Variants in HCK observed in about 807,000 individuals in gnomAD.
HCK encodes the protein tyrosine-protein kinase HCK.
Under a neutral mutation model 70.4 loss-of-function variants are expected in HCK, and 40 were observed. That is an observed-to-expected ratio of 0.57 (90% confidence interval 0.44 to 0.74). The LOEUF (loss-of-function observed/expected upper bound fraction) is 0.74, where lower values mean the gene tolerates loss of function less well. HCK is among the 30% of genes least tolerant of loss of function. The pLI, the probability that HCK is intolerant of heterozygous loss-of-function variation, is 0.00. For synonymous variants in HCK, 245 were observed against 263.2 expected (o/e 0.93, Z 0.67); for missense variants, 568 against 697.2 (o/e 0.81, Z 2.09).
At chr20:32,089,332 G>T (rs1398641941) in intron 10 of HCK, among the ~76,000 whole-genome samples, 1 of 152,224 alleles carries the variant, frequency 6.6e-6, no homozygotes, top group Non-Finnish European at 1.5e-5. Flanking sequence ...TTACAGAATA[G>T]GAAATTGAAG....
intron 1 of HCK, among the ~76,000 whole-genome samples, chr20:32,070,135 G>A (rs2045516610): frequency 6.6e-6 from 1 of 152,102 alleles, no homozygotes; most frequent in Admixed American, 6.5e-5. Flanking sequence ...CCCCAAACCT[G>A]TCCAATGCTT....
intron 12 of HCK, among the ~76,000 whole-genome samples, chr20:32,100,520 A>T (rs879580696): frequency 2.0e-5 from 3 of 152,206 alleles, no homozygotes; most frequent in Non-Finnish European, 4.4e-5. Context: ...CAGGGTGGGT[A>T]ATGGTCTAGG....
chr20:32,087,650 T>C (rs1369974011), intron 9 of HCK, among the ~76,000 whole-genome samples: 2 of 151,876 alleles, frequency 1.3e-5, no homozygotes, highest in African/African-American at 4.8e-5. Flanking sequence ...AAAAAATTTT[T>C]TTTTTTTTTG....
At chr20:32,063,081 T>C (rs927593828) in intron 1 of HCK, among the ~76,000 whole-genome samples, 1 of 152,192 alleles carries the variant, frequency 6.6e-6, no homozygotes, top group Non-Finnish European at 1.5e-5. Flanking sequence ...GAGTGCCAGT[T>C]TGACCTACCA....
chr20:32,085,486 C>A (rs1004208397), intron 8 of HCK, among the ~76,000 whole-genome samples: 1 of 151,814 alleles, frequency 6.6e-6, no homozygotes, highest in Non-Finnish European at 1.5e-5. Flanking sequence ...TGCACTCCAG[C>A]CTGGGAGACA....
chr20:32,069,157 G>A (rs971867598), intron 1 of HCK, among the ~76,000 whole-genome samples: 1 of 152,160 alleles, frequency 6.6e-6, no homozygotes, highest in Non-Finnish European at 1.5e-5. Flanking sequence ...TGCATGCTGG[G>A]CACTTTTACA....
rs374360915 is a variant in HCK at position 32,099,121 on chromosome 20, G to A, written c.1364G>A (p.Arg455Gln). 11 of 1,613,898 alleles carry A rather than the reference G, an allele frequency of 6.8e-6. No individual in the cohort carries two copies. Among genetic ancestry groups the A allele is most frequent in the Non-Finnish European group, 7.6e-6 (9 of 1,179,952 alleles). ...CTGATGGAGATCGTCACCTACGGCCGGATCCCTTACCCAGGTAGGGAAGGG... is the reference window on the plus strand; with the variant it reads ...CTGATGGAGATCGTCACCTACGGCCAGATCCCTTACCCAGGTAGGGAAGGG... The change falls in exon 12 of 13, where the codon CGG becomes CAG. Residue 455 changes from arginine (R) to glutamine (Q), a missense_variant. Transcript: ENST00000375852.
intron 1 of HCK, among the ~76,000 whole-genome samples, chr20:32,059,193 A>G (rs1320556956): frequency 6.6e-6 from 1 of 152,206 alleles, no homozygotes; most frequent in African/African-American, 2.4e-5. Context: ...CTGGCAGAGG[A>G]TATCTGGGTG....
chr20:32,084,223 G>A (rs1435109234), intron 7 of HCK, among the ~76,000 whole-genome samples, 168 bp from the exon 8 acceptor site: 2 of 152,192 alleles, frequency 1.3e-5, no homozygotes, highest in African/African-American at 2.4e-5. Context: ...TGGCCAAGAT[G>A]TAGAGGTGGC....
chr20:32,066,282 G>A (rs2045455566), intron 1 of HCK, among the ~76,000 whole-genome samples: 1 of 124,446 alleles, frequency 8.0e-6, no homozygotes, highest in South Asian at 2.8e-4. Flanking sequence ...TGAAGAAATT[G>A]TCCATTGTGC....
chr20:32,072,557 T>G (rs73906727), intron 2 of HCK: 1 of 108,992 alleles, frequency 9.2e-6, no homozygotes, highest in African/African-American at 4.7e-5. Flanking sequence ...GGAGACCCTG[T>G]CTCTTTAAAA....
intron 11 of HCK, among the ~76,000 whole-genome samples, chr20:32,097,947 T>C (rs1201537827): frequency 2.0e-5 from 3 of 152,270 alleles, no homozygotes; most frequent in South Asian, 2.1e-4. Context: ...GAGGCCAAGA[T>C]GGGAGGATCA....
intron 1 of HCK, chr20:32,069,554 C>T (rs915316454): frequency 8.1e-6 from 3 of 368,660 alleles, no homozygotes; most frequent in Non-Finnish European, 1.6e-5. Context: ...ACATTTATCT[C>T]AAAGAGAGAT....
intron 1 of HCK, among the ~76,000 whole-genome samples, chr20:32,061,207 C>A (rs2122481024): frequency 6.6e-6 from 1 of 152,314 alleles, no homozygotes; most frequent in Non-Finnish European, 1.5e-5. Context: ...TGGTCTTGAA[C>A]TCCTGACCTT....
intron 1 of HCK, among the ~76,000 whole-genome samples, chr20:32,052,965 G>A (rs2045204056): frequency 6.6e-6 from 1 of 152,106 alleles, no homozygotes; most frequent in Non-Finnish European, 1.5e-5. Flanking sequence ...GCCACACCCA[G>A]GCCGGCTGCA....
At chr20:32,054,524 A>G (rs1019710091) in intron 1 of HCK, among the ~76,000 whole-genome samples, 2 of 122,946 alleles carry the variant, frequency 1.6e-5, no homozygotes, top group South Asian at 2.6e-4. Context: ...AAAAAAAAAA[A>G]GCCCGGACGC....
chr20:32,055,817 T>C (rs986730630), intron 1 of HCK, among the ~76,000 whole-genome samples: 1 of 152,200 alleles, frequency 6.6e-6, no homozygotes, highest in African/African-American at 2.4e-5. Flanking sequence ...TTTGTACCCA[T>C]TAAGCAATTA....
At chr20:32,089,416 G>T (rs891651092) in intron 10 of HCK, among the ~76,000 whole-genome samples, 5 of 152,224 alleles carry the variant, frequency 3.3e-5, no homozygotes, top group Non-Finnish European at 5.9e-5. Context: ...AAGTTACTGT[G>T]CTAATTATGG....
chr20:32,094,694 G>GAAA (rs1569009117), intron 11 of HCK, among the ~76,000 whole-genome samples: 2 of 87,896 alleles, frequency 2.3e-5, no homozygotes, highest in Admixed American at 2.6e-4. Context: ...CAAAAGAAAA[G>GAAA]AAAAGAAAAG....
Sources: allele counts gnomAD v4.1 joint callset (sites outside exome capture counted in the v4.1 genomes callset), GRCh38; gene constraint gnomAD v4.1.1; transcripts MANE v1.5; gene names NCBI Gene and HGNC (gene_info 2026-07-23, HGNC 2026-07-21).